DCDC1: variants seen among roughly 807,000 people sequenced by gnomAD.
The protein encoded by DCDC1 is doublecortin domain-containing protein 1.
In DCDC1, 200 loss-of-function variants were observed where a neutral mutation model predicts 178.3. That is an observed-to-expected ratio of 1.12 (90% confidence interval 1.00 to 1.26). DCDC1 has a LOEUF of 1.26. Ranked by LOEUF, DCDC1 falls within the 50% of genes most tolerant of loss-of-function variation. The pLI is 0.00. For synonymous variants in DCDC1, 690 were observed against 604.8 expected, an observed-to-expected ratio of 1.14 and a Z score of -2.07; for missense variants, 1,983 against 1,749.2, an observed-to-expected ratio of 1.13 and a Z score of -2.38.
At chr11:31,045,808 G>A (rs566332644) in intron 20 of DCDC1, among the ~76,000 whole-genome samples, 1 of 152,118 alleles carries the variant, frequency 6.6e-6, no homozygotes, top group Admixed American at 6.5e-5. Flanking sequence ...ATGTCCAATT[G>A]GGAGATGTTT....
chr11:31,357,382 C>A (rs1441452278), intron 1 of DCDC1, among the ~76,000 whole-genome samples: 1 of 141,712 alleles, frequency 7.1e-6, no homozygotes, highest in Non-Finnish European at 1.5e-5. Context: ...TGACAAAATT[C>A]AACTACGCTT....
intron 9 of DCDC1, among the ~76,000 whole-genome samples, chr11:31,227,591 G>A (rs1358645581): frequency 6.6e-6 from 1 of 151,902 alleles, no homozygotes; most frequent in Admixed American, 6.6e-5. Flanking sequence ...AGTTTAAAAA[G>A]ATAAAATGAT....
intron 7 of DCDC1, among the ~76,000 whole-genome samples, chr11:31,279,755 A>T (rs1591627315): frequency 6.6e-6 from 1 of 152,078 alleles, no homozygotes; most frequent in East Asian, 1.9e-4. Flanking sequence ...GGGCTAGGCG[A>T]GGGATAACAT....
chr11:31,202,838 C>T (rs1163267699), intron 9 of DCDC1, among the ~76,000 whole-genome samples: 2 of 151,946 alleles, frequency 1.3e-5, no homozygotes, highest in Non-Finnish European at 2.9e-5. Context: ...GGAAAAGAGG[C>T]CAGGAAAAAA....
chr11:30,980,632 A>G (rs1950346531), intron 20 of DCDC1, among the ~76,000 whole-genome samples: 1 of 152,038 alleles, frequency 6.6e-6, no homozygotes, highest in Admixed American at 6.6e-5. Context: ...TTTTTTCTCA[A>G]CCCTGCAAAT....
At chr11:31,287,256 C>T (rs1306042072) in intron 7 of DCDC1, among the ~76,000 whole-genome samples, 2 of 151,492 alleles carry the variant, frequency 1.3e-5, no homozygotes, top group African/African-American at 4.8e-5. Flanking sequence ...AAAACAAGTA[C>T]TCAGAGAAAA....
intron 7 of DCDC1, among the ~76,000 whole-genome samples, chr11:31,277,829 G>A (rs1374695857): frequency 1.3e-5 from 2 of 151,966 alleles, no homozygotes; most frequent in Non-Finnish European, 2.9e-5. Context: ...TGTTAAGTAC[G>A]TGTTTTCTGG....
At chr11:30,906,255 C>T (rs1945051718) in intron 30 of DCDC1, 1 of 281,470 alleles carries the variant, frequency 3.6e-6, no homozygotes, top group East Asian at 6.1e-5. Context: ...GCAGTTACTT[C>T]CTCACCTAAA....
intron 20 of DCDC1, among the ~76,000 whole-genome samples, chr11:31,015,928 T>C (rs1208280872): frequency 3.3e-5 from 5 of 152,194 alleles, no homozygotes; most frequent in Admixed American, 6.5e-5. Flanking sequence ...CTGTTAAATG[T>C]CTAACATGCA....
intron 20 of DCDC1, among the ~76,000 whole-genome samples, chr11:30,981,042 C>T (rs1321252434): frequency 2.0e-5 from 3 of 152,140 alleles, no homozygotes; most frequent in Admixed American, 6.5e-5. Flanking sequence ...TTTGCAGCAA[C>T]GTGGATGGAG....
chr11:31,337,944 G>A (rs764336380), intron 1 of DCDC1, among the ~76,000 whole-genome samples: 31 of 152,094 alleles, frequency 2.0e-4, no homozygotes, highest in Non-Finnish European at 1.8e-4. Context: ...AAAGCTGGCC[G>A]AAAAACATGA....
In DCDC1 at chr11:30,864,821, C is replaced by A. The variant is rs1940849527; in HGVS notation, c.*552G>T. 6.6e-6 allele frequency: 1 copy of A among 151,882 alleles called. No individual in the cohort carries two copies. The highest frequency in any genetic ancestry group is 1.9e-4 in the East Asian group (1 of 5,194). 9.4% of individuals were successfully genotyped at this position (151,882 alleles called of 1,614,324 possible). On this transcript the variant is annotated 3_prime_UTR_variant, in exon 39 of 39. Coordinates refer to ENST00000684477, the MANE Select transcript of DCDC1 (RefSeq NM_001387274.1). ...AATGTATACAGATTTCACTGGCATA[C>A]AAAATGTCTATGGCTAACAATGCTC... is the stretch of plus-strand genomic sequence containing the variant.
At chr11:31,115,189 T>C (rs1239595733) in intron 11 of DCDC1, among the ~76,000 whole-genome samples, 1 of 152,150 alleles carries the variant, frequency 6.6e-6, no homozygotes, top group Admixed American at 6.6e-5. Context: ...TTAAACTATA[T>C]AGGGAAAGCT....
chr11:31,123,285 A>G (rs111465878), intron 11 of DCDC1, among the ~76,000 whole-genome samples: 10 of 152,156 alleles, frequency 6.6e-5, no homozygotes, highest in African/African-American at 2.4e-4. Context: ...ACTATTATAT[A>G]GTGTTTACAC....
intron 9 of DCDC1, among the ~76,000 whole-genome samples, chr11:31,158,176 T>C (rs569928054): frequency 6.6e-6 from 1 of 152,262 alleles, no homozygotes; most frequent in South Asian, 2.1e-4. Flanking sequence ...TGGCGCAATC[T>C]CGGCTCACTG....
intron 9 of DCDC1, among the ~76,000 whole-genome samples, chr11:31,187,021 C>A (rs979446391): frequency 6.6e-6 from 1 of 152,122 alleles, no homozygotes; most frequent in South Asian, 2.1e-4. Context: ...GAGAGCCCAG[C>A]GTAAAACAGT....
At chr11:31,055,300 G>C (rs570378241) in intron 20 of DCDC1, among the ~76,000 whole-genome samples, 3 of 152,270 alleles carry the variant, frequency 2.0e-5, no homozygotes, top group Admixed American at 1.3e-4. Flanking sequence ...CCTTACTCCT[G>C]CAAGAATGGC....
At chr11:31,357,826 C>T (rs1951470627) in intron 1 of DCDC1, among the ~76,000 whole-genome samples, 1 of 151,610 alleles carries the variant, frequency 6.6e-6, no homozygotes, top group South Asian at 2.1e-4. Flanking sequence ...CATGAGTGAA[C>T]TCCCATTCAC....
chr11:30,910,571 T>C (rs973853730), intron 28 of DCDC1, among the ~76,000 whole-genome samples: 1 of 152,198 alleles, frequency 6.6e-6, no homozygotes, highest in Non-Finnish European at 1.5e-5. Context: ...ATCTATTCTG[T>C]TCAACAAGAG....
Sources: allele counts gnomAD v4.1 joint callset (sites outside exome capture counted in the v4.1 genomes callset), GRCh38; gene constraint gnomAD v4.1.1; transcripts MANE v1.5; gene names NCBI Gene and HGNC (gene_info 2026-07-23, HGNC 2026-07-21).